RARB: variants seen among roughly 807,000 people sequenced by gnomAD.
RARB encodes HBV-activated protein.
RARB carries 17 observed loss-of-function variants against 51.9 expected under a neutral mutation model. That is an observed-to-expected ratio of 0.33 (90% confidence interval 0.22 to 0.49). The LOEUF is 0.49. Ranked by LOEUF, RARB falls within the 20% of genes least tolerant of loss-of-function variation. RARB has a pLI of 0.99. For missense variants in RARB, 369 were observed against 550.8 expected (o/e 0.67, Z 3.30); for synonymous variants, 215 against 195.4 (o/e 1.10, Z -0.84).
intron 2 of RARB, among the ~76,000 whole-genome samples, chr3:24,987,920 T>C (rs1271524081): frequency 1.3e-5 from 2 of 151,794 alleles, no homozygotes; most frequent in Non-Finnish European, 2.9e-5. Flanking sequence ...AAAACATAAA[T>C]CTTGGCTTCT....
chr3:25,519,258 G>A (rs940681774), intron 3 of RARB, among the ~76,000 whole-genome samples: 1 of 152,126 alleles, frequency 6.6e-6, no homozygotes, highest in Non-Finnish European at 1.5e-5. Flanking sequence ...GGGAGGCATG[G>A]CCACTTATTT....
At chr3:25,050,902 C>G (rs958673853) in intron 2 of RARB, among the ~76,000 whole-genome samples, 1 of 152,202 alleles carries the variant, frequency 6.6e-6, no homozygotes, top group Non-Finnish European at 1.5e-5. Flanking sequence ...ATCCACTCCT[C>G]TTCAACTCAA....
intron 2 of RARB, among the ~76,000 whole-genome samples, chr3:25,498,404 G>A (rs147826262): frequency 5.1e-4 from 77 of 152,218 alleles, no homozygotes; most frequent in Middle Eastern, 3.4e-3. Context: ...GGGCACGTCT[G>A]TTTACTCAAC....
intron 5 of RARB, among the ~76,000 whole-genome samples, chr3:25,217,497 C>T (rs1344102774): frequency 6.9e-6 from 1 of 144,904 alleles, no homozygotes; most frequent in East Asian, 2.0e-4. Context: ...CCTACTCCCA[C>T]CCCCCCCAAT....
At chr3:25,080,741 C>T (rs556338796) in intron 3 of RARB, among the ~76,000 whole-genome samples, 1 of 152,194 alleles carries the variant, frequency 6.6e-6, no homozygotes, top group East Asian at 1.9e-4. Context: ...AGCCACTTGC[C>T]TATTTTTCAA....
chr3:25,034,087 T>A (rs1164709922), intron 2 of RARB, among the ~76,000 whole-genome samples: 2 of 152,124 alleles, frequency 1.3e-5, no homozygotes, highest in Non-Finnish European at 2.9e-5. Flanking sequence ...GCGCTCACAA[T>A]GGGAGTCAAG....
At chr3:25,158,486 C>A (rs905776166) in intron 4 of RARB, among the ~76,000 whole-genome samples, 1 of 152,046 alleles carries the variant, frequency 6.6e-6, no homozygotes. Flanking sequence ...CATTTGAATT[C>A]TTCTTGTTTT....
At chr3:25,018,602 G>C (rs951856967) in intron 2 of RARB, among the ~76,000 whole-genome samples, 1 of 152,044 alleles carries the variant, frequency 6.6e-6, no homozygotes, top group African/African-American at 2.4e-5. Flanking sequence ...TCTTGAAACC[G>C]AGCCCATATG....
intron 3 of RARB, among the ~76,000 whole-genome samples, chr3:25,063,793 A>G (rs1698603963): frequency 1.3e-5 from 2 of 151,628 alleles, no homozygotes; most frequent in South Asian, 4.2e-4. Flanking sequence ...TTATATTTTC[A>G]GACTCAGCTT....
intron 2 of RARB, among the ~76,000 whole-genome samples, chr3:24,916,246 G>C (rs1192547124): frequency 6.6e-6 from 1 of 152,058 alleles, no homozygotes; most frequent in Admixed American, 6.6e-5. Context: ...CTCCATTCTA[G>C]TCATAGGTAC....
intron 4 of RARB, among the ~76,000 whole-genome samples, chr3:25,143,901 G>A (rs1264170054): frequency 6.6e-6 from 1 of 152,158 alleles, no homozygotes; most frequent in African/African-American, 2.4e-5. Context: ...ACAGCACAGT[G>A]CCTAAAGCTC....
intron 1 of RARB, among the ~76,000 whole-genome samples, chr3:25,433,674 C>G (rs1412254055): frequency 6.6e-6 from 1 of 152,090 alleles, no homozygotes; most frequent in Non-Finnish European, 1.5e-5. Context: ...TTGTAAGTGG[C>G]TTGGTCTAAG....
At chr3:25,429,719 C>T (rs1189253157) in intron 1 of RARB, among the ~76,000 whole-genome samples, 4 of 152,176 alleles carry the variant, frequency 2.6e-5, no homozygotes, top group Admixed American at 6.5e-5. Flanking sequence ...TGCCGAGGTA[C>T]GCACCTGGTC....
intron 2 of RARB, among the ~76,000 whole-genome samples, chr3:24,995,920 C>G (rs777765603): frequency 6.6e-6 from 1 of 151,880 alleles, no homozygotes; most frequent in Non-Finnish European, 1.5e-5. Context: ...TTGTAGTTTT[C>G]TTTATTGTTG....
chr3:25,124,116 TG>T (rs577556029), intron 3 of RARB, among the ~76,000 whole-genome samples: 61 of 152,328 alleles, frequency 4.0e-4, no homozygotes, highest in Non-Finnish European at 5.6e-4. Flanking sequence ...GGCTCACGCC[TG>T]TAATCCTAGC....
At chr3:25,026,207 G>A (rs568507158) in intron 2 of RARB, among the ~76,000 whole-genome samples, 2 of 152,298 alleles carry the variant, frequency 1.3e-5, no homozygotes, top group East Asian at 1.9e-4. Context: ...CCAGGGCTTC[G>A]AGTTGACCCA....
At chr3:25,570,980 C>A (rs554649405) in intron 4 of RARB, among the ~76,000 whole-genome samples, 1 of 149,902 alleles carries the variant, frequency 6.7e-6, no homozygotes, top group Non-Finnish European at 1.5e-5. Context: ...GGCTTTGGAG[C>A]AGTTCTTGGT....
intron 7 of RARB, 105 bp downstream of exon 7, chr3:25,594,783 G>T: frequency 3.9e-6 from 4 of 1,022,238 alleles, no homozygotes; most frequent in Non-Finnish European, 3.9e-6. Flanking sequence ...TGCTTTTAAA[G>T]TCTTGGAACT....
chr3:25,233,408 A>G (rs138269282), intron 5 of RARB, among the ~76,000 whole-genome samples: 200 of 152,164 alleles, frequency 1.3e-3, no homozygotes, highest in African/African-American at 4.6e-3. Flanking sequence ...TGCTAACATC[A>G]CTTATTAGTT....
Sources: gnomAD v4.1 joint callset for allele counts (sites outside exome capture counted in the v4.1 genomes callset) on GRCh38, gnomAD v4.1.1 for gene constraint, MANE v1.5 for transcripts, NCBI Gene and HGNC (gene_info 2026-07-23, HGNC 2026-07-21) for gene names.